CARMIL2: variants seen among roughly 807,000 people sequenced by gnomAD.
CARMIL2 encodes the protein capping protein regulator and myosin 1 linker 2.
Under a neutral mutation model 173.3 loss-of-function variants are expected in CARMIL2, and 96 were observed. That is an observed-to-expected ratio of 0.55 (90% CI 0.47 to 0.66). The LOEUF is 0.66. Ranked by LOEUF, CARMIL2 falls within the 30% of genes least tolerant of loss-of-function variation. The pLI is 0.00. For missense variants in CARMIL2, 1,771 were observed against 1,906.7 expected (o/e 0.93, Z 1.33); for synonymous variants, 830 against 817.1 (o/e 1.02, Z -0.27).
Position 67,646,134 on chromosome 16 carries a change from C to A in CARMIL2, c.250-52C>A. 9 of 1,613,780 alleles carry A rather than the reference C, an allele frequency of 5.6e-6. No individual in the cohort carries two copies. Among genetic ancestry groups the A allele is most frequent in the Non-Finnish European group, 7.6e-6 (9 of 1,179,854 alleles). On this transcript the variant is annotated intron_variant, in intron 4 of 37. Coordinates refer to ENST00000334583, the MANE Select transcript of CARMIL2 (RefSeq NM_001013838.3). The surrounding 1 kb of genome is among the most constrained non-coding windows in gnomAD (Gnocchi z 4.6). Reference sequence around the variant, plus strand: ...TGCAGCCTGGTCTTCATGCTACCACCATCACCTGCGCCCATGTGTGGAGCC... The same window carrying A: ...TGCAGCCTGGTCTTCATGCTACCACAATCACCTGCGCCCATGTGTGGAGCC...
Position 67,646,761 on chromosome 16 carries a change from C to T in CARMIL2, c.514C>T (p.Pro172Ser), listed in dbSNP as rs200058857. 6.2e-7 allele frequency: 1 copy of T among 1,613,970 alleles called. No individual in the cohort carries two copies. Among genetic ancestry groups the T allele is most frequent in the East Asian group, 2.2e-5 (1 of 44,888 alleles). The change falls in exon 7 of 38, where the codon CCT becomes TCT. Residue 172 changes from proline (P) to serine (S), a missense_variant. Pro to Ser is a moderately conservative substitution (Grantham distance 74). Coordinates refer to ENST00000334583, the MANE Select transcript of CARMIL2 (RefSeq NM_001013838.3). This position sits in a 1 kb window ranked among gnomAD's most constrained non-coding sequence, Gnocchi z 4.6. The part of the protein sequence containing the change: ...YEALCDYNGF[P>S]FREEIQWDVD... ...GGCTCTGTGTGACTACAATGGCTTC[C>T]CTTTCCGAGAGGAGATTCAGTGGGT...
At position 67,657,273 on chromosome 16, in the gene CARMIL2, C is replaced by G. The variant is rs1339469209; in HGVS notation, c.4152C>G (p.Leu1384=). ...RPLRLQRSPV[L]KRRPKLEAPP... Reference sequence around the variant, plus strand: ...TGAGGCTGCAGCGCTCCCCCGTCCTCAAACGCAGGCCAAAACTCGAGGCAC... The same window carrying G: ...TGAGGCTGCAGCGCTCCCCCGTCCTGAAACGCAGGCCAAAACTCGAGGCAC... The change falls in exon 37 of 38, where the codon CTC becomes CTG. Residue 1384 remains leucine, a synonymous_variant. Transcript: ENST00000334583. This position sits in a 1 kb window ranked among gnomAD's most constrained non-coding sequence, Gnocchi z 4.5. 17 of 1,613,716 alleles carry G rather than the reference C, an allele frequency of 1.1e-5. No individual in the cohort carries two copies. Among genetic ancestry groups the G allele is most frequent in the African/African-American group, 1.3e-5 (1 of 74,896 alleles).
At chr16:67,645,316 C>T (rs1199115248) in intron 1 of CARMIL2, 30 bp downstream of exon 1, 1 of 1,589,936 alleles carries the variant, frequency 6.3e-7, no homozygotes, top group Non-Finnish European at 8.6e-7. Context: ...GCCTTCTTGG[C>T]CGGGAGGAAG....
In CARMIL2 at chr16:67,654,085, G is replaced by GGC; in HGVS notation, c.3121-63_3121-62insCG. The GGC allele has an allele frequency of 1.1e-5, 11 of 1,046,908 alleles. No individual in the cohort carries two copies. The South Asian group carries it at 1.7e-4, about 16-fold the overall frequency. 64.9% of individuals were successfully genotyped at this position (1,046,908 alleles called of 1,614,324 possible). A position where few individuals can be genotyped will look rare whatever the true frequency, so the allele number is the denominator to read the frequency against. On this transcript the variant is annotated intron_variant, in intron 29 of 37. Transcript: ENST00000334583. The stretch of plus-strand genomic sequence containing the variant: ...ATTCAGTCCAGGCTGCCGGCCGGGG[G>GGC]GGGGGGGGGGTAGAAGCCAGAGTTG...
rs774395623 is a variant in CARMIL2 at position 67,649,246 on chromosome 16, G to A, written c.1689-8G>A. 1.2e-6 allele frequency: 2 copies of A among 1,613,318 alleles called. No homozygotes were observed. Among genetic ancestry groups the A allele is most frequent in the Non-Finnish European group, 8.5e-7 (1 of 1,179,662 alleles). ...CCTGTCCCCCACAACTGCGGCCCCT[G>A]CCCACAGGGAGACCCTGGACGACGT... On this transcript the variant is annotated splice_region_variant and splice_polypyrimidine_tract_variant and intron_variant, in intron 18 of 37. Coordinates refer to ENST00000334583, the MANE Select transcript of CARMIL2 (RefSeq NM_001013838.3). The surrounding 1 kb of genome is among the most constrained non-coding windows in gnomAD (Gnocchi z 6.7).
intron 32 of CARMIL2, 69 bp from the exon 33 acceptor site, chr16:67,655,961 CA>C: frequency 6.5e-7 from 1 of 1,534,252 alleles, no homozygotes; most frequent in Non-Finnish European, 8.8e-7. Context: ...ATTATAAGAA[CA>C]AGAACGAACA....
chr16:67,649,173 G>T lies in CARMIL2; in HGVS notation c.1688+1G>T, dbSNP rs1567630262. On this transcript the variant is annotated splice_donor_variant, in intron 18 of 37. Coordinates refer to ENST00000334583, the MANE Select transcript of CARMIL2 (RefSeq NM_001013838.3). LOFTEE classifies it high-confidence loss of function. The surrounding 1 kb of genome is among the most constrained non-coding windows in gnomAD (Gnocchi z 6.7). ...GAAGGAACTTCAACGTCCGGTGCAA[G>T]TGAGCCCCCACCCTACTCCTGGGCC... 1 of 1,613,348 alleles carries T rather than the reference G, an allele frequency of 6.2e-7. No homozygotes were observed. The highest frequency in any genetic ancestry group is 8.5e-7 in the Non-Finnish European group (1 of 1,179,682).
Position 67,653,641 on chromosome 16 carries a change from T to TGG in CARMIL2, c.3120+390_3120+391dup, listed in dbSNP as rs1359018313. 6.6e-6 allele frequency among the ~76,000 whole-genome samples: 1 copy of TGG among 151,812 alleles called. No individual in the cohort carries two copies. Among genetic ancestry groups the TGG allele is most frequent in the African/African-American group, 2.4e-5 (1 of 41,340 alleles). On this transcript the variant is annotated intron_variant, in intron 29 of 37. Coordinates refer to ENST00000334583, the MANE Select transcript of CARMIL2 (RefSeq NM_001013838.3). The surrounding 1 kb of genome is among the most constrained non-coding windows in gnomAD (Gnocchi z 7.4). ...GCTGCGCGTCCGGCGGCGGCGCGTG[T>TGG]GGGGAGATGCGTGTGTGGGCTGCAA...
rs1474947952 is a variant in CARMIL2 at position 67,655,649 on chromosome 16, C to T, written c.3706-382C>T. Reference sequence around the variant, plus strand: ...GGTGGTCTGGATGTCCTCCCTGCCTCGCTTCCAGTCTCTAATTGTGGGTTA... The same window carrying T: ...GGTGGTCTGGATGTCCTCCCTGCCTTGCTTCCAGTCTCTAATTGTGGGTTA... On this transcript the variant is annotated intron_variant, in intron 32 of 37. Transcript: ENST00000334583. Among the ~76,000 whole-genome samples the T allele has an allele frequency of 2.0e-5, 3 of 152,044 alleles. No homozygotes were observed. In the East Asian group the frequency reaches 5.8e-4, roughly 29 times the overall value.
Position 67,648,585 on chromosome 16 carries a change from G to T in CARMIL2, c.1439+83G>T. ...GCCCCTCCCCGCTCCTGCTTCTGTC[G>T]CTCCCACAACCTCCCCCAGATCCTG... On this transcript the variant is annotated intron_variant, in intron 15 of 37. Transcript: ENST00000334583. The surrounding 1 kb of genome is among the most constrained non-coding windows in gnomAD (Gnocchi z 6.1). 3 of 1,475,308 alleles carry T rather than the reference G, an allele frequency of 2.0e-6. No homozygotes were observed. In the South Asian group the frequency reaches 3.7e-5, roughly 18 times the overall value. 91.4% of individuals were successfully genotyped at this position (1,475,308 alleles called of 1,614,324 possible).
At position 67,654,374 on chromosome 16, in the gene CARMIL2, T is replaced by G. The variant is rs1409466143; in HGVS notation, c.3264T>G (p.Thr1088=). 1 of 1,605,384 alleles carries G rather than the reference T, an allele frequency of 6.2e-7. No homozygotes were observed. The highest frequency in any genetic ancestry group is 8.5e-7 in the Non-Finnish European group (1 of 1,176,470). Residue 1088 remains threonine (T), a synonymous_variant, in exon 31 of 38, where the codon ACT becomes ACG. Transcript: ENST00000334583. ...EEDPATEGGA[T]PVPRTLRKKL... ...ACCCGGCCACTGAGGGGGGCGCCAC[T>G]CCTGTCCCCCGTACACTGCGAAAGA...
rs1482302199 is a variant in CARMIL2 at position 67,649,196 on chromosome 16, G to A, written c.1688+24G>A. The A allele has an allele frequency of 6.2e-7, 1 of 1,612,758 alleles. No homozygotes were observed. The highest frequency in any genetic ancestry group is 1.1e-5 in the South Asian group (1 of 90,958). ...AAGTGAGCCCCCACCCTACTCCTGG[G>A]CCTCCCAGACAACACCCCACCACCC... On this transcript the variant is annotated intron_variant, in intron 18 of 37. Coordinates refer to ENST00000334583, the MANE Select transcript of CARMIL2 (RefSeq NM_001013838.3). This position sits in a 1 kb window ranked among gnomAD's most constrained non-coding sequence, Gnocchi z 6.7.
chr16:67,650,588 C>A (rs950909161), intron 22 of CARMIL2: 2 of 202,162 alleles, frequency 9.9e-6, no homozygotes, highest in Admixed American at 1.1e-4. Context: ...AGCTTCAGAG[C>A]CCAAAGGTCT....
chr16:67,647,583 G>T lies in CARMIL2; in HGVS notation c.852G>T (p.Gly284=), dbSNP rs2052619836. The T allele has an allele frequency of 1.9e-6, 3 of 1,610,840 alleles. No individual in the cohort carries two copies. In the East Asian group the frequency reaches 6.7e-5, roughly 36 times the overall value. ...SSGLRELSLA[G]NLLDDRGMTA... ...GGCTGCGGGAGCTCAGCCTCGCGGG[G>T]AACCTGCTGGATGACCGAGGTATGA... The change falls in exon 11 of 38, where the codon GGG becomes GGT. Residue 284 remains glycine (G), a synonymous_variant. Transcript: ENST00000334583.
At chr16:67,656,006 A>G (rs758508894) in intron 32 of CARMIL2, 25 bp from the exon 33 acceptor site, 2 of 1,576,714 alleles carry the variant, frequency 1.3e-6, no homozygotes, top group Non-Finnish European at 8.6e-7. Context: ...GCAGGGCTGG[A>G]ATCTGATTGC....
rs2052885498 is a variant in CARMIL2, at chr16:67,657,353, G to T, written c.4195+37G>T. On this transcript the variant is annotated intron_variant, in intron 37 of 37. Coordinates refer to ENST00000334583, the MANE Select transcript of CARMIL2 (RefSeq NM_001013838.3). The surrounding 1 kb of genome is among the most constrained non-coding windows in gnomAD (Gnocchi z 4.5). The stretch of plus-strand genomic sequence containing the variant: ...TCCAGGCCAGCTGGGAGGGTGGCAG[G>T]ACTGCTTAGCCCAGCCCTGACCCTT... 4 of 1,611,152 alleles carry T rather than the reference G, an allele frequency of 2.5e-6. No homozygotes were observed. Among genetic ancestry groups the T allele is most frequent in the Non-Finnish European group, 3.4e-6 (4 of 1,178,642 alleles).
Position 67,649,406 on chromosome 16 carries a change from A to G in CARMIL2, c.1747-41A>G. 6.2e-7 allele frequency: 1 copy of G among 1,610,538 alleles called. No homozygotes were observed. The highest frequency in any genetic ancestry group is 8.5e-7 in the Non-Finnish European group (1 of 1,179,522). ...CAGACCCTGTGACCTGCCCTCACTG[A>G]CCCCTGACTCCAGCCATCAATGGCT... On this transcript the variant is annotated intron_variant, in intron 19 of 37. Transcript: ENST00000334583. The surrounding 1 kb of genome is among the most constrained non-coding windows in gnomAD (Gnocchi z 6.7).
chr16:67,646,147 C>A lies in CARMIL2; in HGVS notation c.250-39C>A. On this transcript the variant is annotated intron_variant, in intron 4 of 37. Transcript: ENST00000334583. This position sits in a 1 kb window ranked among gnomAD's most constrained non-coding sequence, Gnocchi z 4.6. ...TCATGCTACCACCATCACCTGCGCCCATGTGTGGAGCCGAGGCCTAGTAGT... is the reference window on the plus strand; with the variant it reads ...TCATGCTACCACCATCACCTGCGCCAATGTGTGGAGCCGAGGCCTAGTAGT... The A allele has an allele frequency of 6.2e-7, 1 of 1,613,782 alleles. No individual in the cohort carries two copies. The highest frequency in any genetic ancestry group is 8.5e-7 in the Non-Finnish European group (1 of 1,179,830).
At position 67,649,964 on chromosome 16, in the gene CARMIL2, A is replaced by C; in HGVS notation, c.2078A>C (p.His693Pro). ...CCGGAACTGACAGCACGTGCAGTCC[A>C]TCAGGTGGGCGTCCCCCTCTTCCCT... is the stretch of plus-strand genomic sequence containing the variant. ...SRPELTARAVHQIQACLLRNN... is the reference protein window; with the variant it reads ...SRPELTARAVPQIQACLLRNN... The change falls in exon 21 of 38, where the codon CAT becomes CCT. Residue 693 changes from histidine (H) to proline (P), a missense_variant. Coordinates refer to ENST00000334583, the MANE Select transcript of CARMIL2 (RefSeq NM_001013838.3). The surrounding 1 kb of genome is among the most constrained non-coding windows in gnomAD (Gnocchi z 6.7). 1.1e-5 allele frequency: 17 copies of C among 1,613,362 alleles called. No individual in the cohort carries two copies. The highest frequency in any genetic ancestry group is 1.4e-5 in the Non-Finnish European group (16 of 1,179,750).
Sources: gnomAD v4.1 joint callset for allele counts (sites outside exome capture counted in the v4.1 genomes callset) on GRCh38, gnomAD v4.1.1 for gene constraint, Gnocchi (gnomAD v3.1) non-coding constraint, MANE v1.5 for transcripts, NCBI Gene and HGNC (gene_info 2026-07-23, HGNC 2026-07-21) for gene names.